The following CSPP1 variants were observed in gnomAD, a reference collection of about 807,000 sequenced individuals.
CSPP1 encodes the protein centrosome and spindle pole-associated protein 1.
Under a neutral mutation model 164.4 loss-of-function variants are expected in CSPP1, and 126 were observed. The ratio of observed to expected loss-of-function variants is 0.77; its 90% CI spans 0.66 to 0.89. The LOEUF (loss-of-function observed/expected upper bound fraction) is 0.89, where lower values mean the gene tolerates loss of function less well. Ranked by LOEUF, CSPP1 falls within the 40% of genes least tolerant of loss-of-function variation. The pLI is 0.00. For missense variants in CSPP1, 1,395 were observed against 1,449.8 expected (o/e 0.96, Z 0.61); for synonymous variants, 472 against 476.7 (o/e 0.99, Z 0.13).
intron 19 of CSPP1, among the ~76,000 whole-genome samples, chr8:67,155,476 G>C (rs1826490040): frequency 1.3e-5 from 2 of 152,188 alleles, no homozygotes; most frequent in Admixed American, 1.3e-4. Context: ...ATAAGGCAGT[G>C]ACGTAATGGA....
At chr8:67,078,349 CT>C (rs1034873560) in intron 3 of CSPP1, among the ~76,000 whole-genome samples, 5 of 148,386 alleles carry the variant, frequency 3.4e-5, no homozygotes, top group African/African-American at 2.5e-5. Context: ...TCCTTAACAT[CT>C]TTTTTTTTTG....
intron 9 of CSPP1, among the ~76,000 whole-genome samples, chr8:67,106,780 G>A (rs1410285622): frequency 6.6e-6 from 1 of 152,130 alleles, no homozygotes; most frequent in African/African-American, 2.4e-5. Context: ...TAAAGTATAT[G>A]AAGAAATTAA....
intron 3 of CSPP1, among the ~76,000 whole-genome samples, chr8:67,077,757 T>C (rs570122933): frequency 6.6e-6 from 1 of 152,364 alleles, no homozygotes; most frequent in East Asian, 1.9e-4. Context: ...AATGGACAGC[T>C]TTTCATGGAT....
At chr8:67,130,809 G>A (rs2129553974) in intron 15 of CSPP1, among the ~76,000 whole-genome samples, 1 of 151,466 alleles carries the variant, frequency 6.6e-6, no homozygotes, top group Middle Eastern at 3.5e-3. Context: ...CCAACATGGT[G>A]AAACCCTGTC....
At chr8:67,099,595 T>C (rs1813600559) in intron 7 of CSPP1, among the ~76,000 whole-genome samples, 1 of 152,168 alleles carries the variant, frequency 6.6e-6, no homozygotes, top group South Asian at 2.1e-4. Flanking sequence ...GTTGAGATGA[T>C]TGAATAGAGA....
In CSPP1 at chr8:67,105,931, C is replaced by A; in HGVS notation, c.1049C>A (p.Ser350Tyr). ...KSAPDNETSK[S>Y]ANQDTCSPFA... ...GCTCCAGACAATGAAACATCCAAAT[C>A]TGCTAATCAAGATACCTGTAGTCCT... Residue 350 changes from serine (S) to tyrosine (Y), a missense_variant, in exon 9 of 31, where the codon TCT becomes TAT. Transcript: ENST00000678616. The A allele has an allele frequency of 1.3e-6, 2 of 1,591,134 alleles. No individual in the cohort carries two copies. Among genetic ancestry groups the A allele is most frequent in the Non-Finnish European group, 1.7e-6 (2 of 1,159,220 alleles).
rs1815677931 is a variant in CSPP1 at position 67,106,964 on chromosome 8, A to C, written c.1093+989A>C. Among the ~76,000 whole-genome samples the C allele has an allele frequency of 2.0e-5, 3 of 152,066 alleles. No homozygotes were observed. The South Asian group carries it at 6.2e-4, about 32-fold the overall frequency. ...CTGTAGGTGAAAATTGACCAGTTTA[A>C]TCAGTACCATGTAAAGGCTATATTC... On this transcript the variant is annotated intron_variant, in intron 9 of 30. Transcript: ENST00000678616.
chr8:67,095,152 GTA>G (rs1042727799), intron 6 of CSPP1, 139 bp from the exon 7 acceptor site: 42 of 464,396 alleles, frequency 9.0e-5, no homozygotes, highest in South Asian at 1.7e-4. Context: ...ATGTAAAAAC[GTA>G]TATATATATA....
intron 28 of CSPP1, among the ~76,000 whole-genome samples, chr8:67,187,796 C>G (rs750332045): frequency 7.2e-5 from 11 of 152,194 alleles, no homozygotes; most frequent in Non-Finnish European, 1.5e-4. Flanking sequence ...AAAAGATAGT[C>G]TTCTCTACAA....
chr8:67,140,142 T>C (rs913935474), intron 17 of CSPP1, among the ~76,000 whole-genome samples: 2 of 152,286 alleles, frequency 1.3e-5, no homozygotes, highest in South Asian at 2.1e-4. Flanking sequence ...TGGAGTGCAA[T>C]GGCACCATCT....
chr8:67,179,223 C>T (rs13276373), intron 27 of CSPP1, among the ~76,000 whole-genome samples: 9 of 152,050 alleles, frequency 5.9e-5, no homozygotes, highest in Non-Finnish European at 1.0e-4. Flanking sequence ...TTTGGGAGCT[C>T]ATTATAATAA....
chr8:67,185,583 T>C (rs971229092), intron 28 of CSPP1, among the ~76,000 whole-genome samples: 2 of 152,202 alleles, frequency 1.3e-5, no homozygotes, highest in Non-Finnish European at 2.9e-5. Context: ...TGCATATTAG[T>C]TGACAGCAAT....
At position 67,158,489 on chromosome 8, in the gene CSPP1, CTG is replaced by C. The variant is rs1827098991; in HGVS notation, c.2285_2286del (p.Leu762GlnfsTer23). ...KQREEAERER[L>X]RIAEEKEERR... The stretch of plus-strand genomic sequence containing the variant: ...AAGAGAGGAAGCAGAGCGAGAGAGA[CTG>C]AGAATTGCAGAAGAAAAAGAAGAAA... On this transcript the variant is annotated frameshift_variant, in exon 20 of 31. Transcript: ENST00000678616. LOFTEE classifies it high-confidence loss of function. 1 of 1,612,652 alleles carries C rather than the reference CTG, an allele frequency of 6.2e-7. No homozygotes were observed. The highest frequency in any genetic ancestry group is 8.5e-7 in the Non-Finnish European group (1 of 1,179,184).
At position 67,115,987 on chromosome 8, in the gene CSPP1, T is replaced by G; in HGVS notation, c.1361T>G (p.Ile454Arg). The change falls in exon 13 of 31, where the codon ATA becomes AGA. Residue 454 changes from isoleucine (I) to arginine (R), a missense_variant. Ile to Arg is a moderately conservative substitution (Grantham distance 97, BLOSUM62 -3). Transcript: ENST00000678616. ...ATGATACCACCTGAAAGACCCAGAA[T>G]AGCTTTCCAGACACCTCTCCCTCCT... ...EEMIPPERPR[I>R]AFQTPLPPLS... is the part of the protein sequence containing the mutation. The G allele has an allele frequency of 6.2e-7, 1 of 1,614,012 alleles. No individual in the cohort carries two copies.
At chr8:67,186,177 C>A (rs1220428822) in intron 28 of CSPP1, among the ~76,000 whole-genome samples, 3 of 152,094 alleles carry the variant, frequency 2.0e-5, no homozygotes, top group African/African-American at 7.2e-5. Flanking sequence ...ATCTGGCTGT[C>A]CTTTTTATAA....
intron 23 of CSPP1, 148 bp downstream of exon 23, chr8:67,163,946 CATCTT>C: frequency 1.6e-6 from 1 of 613,414 alleles, no homozygotes; most frequent in Non-Finnish European, 2.9e-6. Context: ...CCTGGGGTAA[CATCTT>C]AGATAGTATA....
At chr8:67,160,038 T>C (rs201365803) in intron 21 of CSPP1, among the ~76,000 whole-genome samples, 2 of 96,790 alleles carry the variant, frequency 2.1e-5, no homozygotes, top group African/African-American at 1.4e-4. Flanking sequence ...TTTCTTTTTC[T>C]TTTTCTTTTT....
At chr8:67,159,286 A>G (rs557267191) in intron 21 of CSPP1, 149 bp downstream of exon 21, 1 of 726,962 alleles carries the variant, frequency 1.4e-6, no homozygotes, top group Non-Finnish European at 2.3e-6. Context: ...CAATGTACTG[A>G]ACTTTCTGTA....
intron 28 of CSPP1, among the ~76,000 whole-genome samples, chr8:67,190,196 A>G (rs1357741517): frequency 6.6e-6 from 1 of 152,252 alleles, no homozygotes; most frequent in Non-Finnish European, 1.5e-5. Context: ...TGGTAAATGC[A>G]TAGACAAAAT....
Sources: gnomAD v4.1 joint callset for allele counts (sites outside exome capture counted in the v4.1 genomes callset) on GRCh38, gnomAD v4.1.1 for gene constraint, MANE v1.5 for transcripts, NCBI Gene and HGNC (gene_info 2026-07-23, HGNC 2026-07-21) for gene names.